Variants in NKAIN2 observed in about 807,000 individuals in gnomAD.
The protein encoded by NKAIN2 is sodium/potassium transporting ATPase interacting 2, also known as sodium/potassium-transporting ATPase subunit beta-1-interacting protein 2.
A neutral mutation model predicts 32.6 loss-of-function variants in NKAIN2; 14 were observed. The ratio of observed to expected loss-of-function variants is 0.43; its 90% CI spans 0.28 to 0.67. The LOEUF is 0.67. Ranked by LOEUF, NKAIN2 falls within the 30% of genes least tolerant of loss-of-function variation. The pLI is 0.17. For synonymous variants in NKAIN2, 80 were observed against 87.2 expected (o/e 0.92, Z 0.46); for missense variants, 198 against 258.3 (o/e 0.77, Z 1.60).
At position 124,117,902 on chromosome 6, in the gene NKAIN2, GA is replaced by G. The variant is rs201260771; in HGVS notation, c.55-165090del. ...TGCAGACATTAAAACAGTTAAAGCA[GA>G]AAAAAAAAAAAAGCTATCAGGAAAG... is the stretch of plus-strand genomic sequence containing the variant. On this transcript the variant is annotated intron_variant, in intron 1 of 6. Transcript: ENST00000368417. 2.9e-3 allele frequency among the ~76,000 whole-genome samples: 382 copies of G among 129,648 alleles called. 1 individual carries two copies. Among genetic ancestry groups the G allele is most frequent in the African/African-American group, 7.1e-3 (243 of 34,246 alleles). 85.1% of individuals were successfully genotyped at this position (129,648 alleles called of 152,430 possible).
intron 1 of NKAIN2, among the ~76,000 whole-genome samples, chr6:123,959,891 G>A (rs1394475048): frequency 3.3e-5 from 5 of 151,094 alleles, no homozygotes; most frequent in South Asian, 2.1e-4. Flanking sequence ...AAGTTCTTCC[G>A]GAGTCAGAGC....
chr6:123,804,683 G>GT (rs920215976), intron 1 of NKAIN2, among the ~76,000 whole-genome samples: 58 of 148,912 alleles, frequency 3.9e-4, no homozygotes, highest in African/African-American at 1.1e-3. Context: ...TCATAGACAT[G>GT]TTTTTTTTCT....
At chr6:124,338,379 CT>C (rs954733039) in intron 2 of NKAIN2, among the ~76,000 whole-genome samples, 1 of 151,758 alleles carries the variant, frequency 6.6e-6, no homozygotes, top group African/African-American at 2.4e-5. Context: ...TGTAGAGCTG[CT>C]ACTTGGTTAT....
chr6:124,663,844 T>C (rs566180549), intron 4 of NKAIN2, among the ~76,000 whole-genome samples: 2 of 152,330 alleles, frequency 1.3e-5, no homozygotes, highest in South Asian at 2.1e-4. Flanking sequence ...AACTGTGGCA[T>C]GCAAAAAGTT....
chr6:124,323,912 C>A (rs562918982), intron 2 of NKAIN2, among the ~76,000 whole-genome samples: 2 of 151,660 alleles, frequency 1.3e-5, no homozygotes, highest in East Asian at 2.0e-4. Flanking sequence ...CTCAGCCTCC[C>A]GAGGAGCTGG....
intron 1 of NKAIN2, among the ~76,000 whole-genome samples, chr6:124,139,458 G>A (rs1207484532): frequency 6.6e-6 from 1 of 152,178 alleles, no homozygotes; most frequent in Non-Finnish European, 1.5e-5. Context: ...GCTGTTAAAA[G>A]TAGGAGCTAT....
intron 3 of NKAIN2, among the ~76,000 whole-genome samples, chr6:124,361,944 A>G (rs187111225): frequency 1.3e-5 from 2 of 152,130 alleles, no homozygotes; most frequent in Non-Finnish European, 1.5e-5. Context: ...AATAAAACCA[A>G]TGCTTGTATC....
chr6:124,197,441 C>T (rs146966349), intron 1 of NKAIN2, among the ~76,000 whole-genome samples: 11 of 152,238 alleles, frequency 7.2e-5, no homozygotes, highest in Non-Finnish European at 1.5e-4. Context: ...ATTATGACTA[C>T]AACTTTCCAA....
intron 4 of NKAIN2, among the ~76,000 whole-genome samples, chr6:124,731,898 A>G (rs1776697862): frequency 6.6e-6 from 1 of 152,106 alleles, no homozygotes; most frequent in African/African-American, 2.4e-5. Flanking sequence ...ACATAACAGT[A>G]TCTATAAAGT....
At chr6:124,457,746 T>C (rs1312189947) in intron 3 of NKAIN2, among the ~76,000 whole-genome samples, 1 of 151,950 alleles carries the variant, frequency 6.6e-6, no homozygotes, top group African/African-American at 2.4e-5. Context: ...CACGTATTCA[T>C]TCAAAGTGTT....
chr6:124,247,281 A>C (rs1053026718), intron 1 of NKAIN2, among the ~76,000 whole-genome samples: 1 of 151,762 alleles, frequency 6.6e-6, no homozygotes, highest in Non-Finnish European at 1.5e-5. Flanking sequence ...AAAGTTCAAA[A>C]CTCTCTGTGT....
chr6:124,446,595 G>T (rs12216152), intron 3 of NKAIN2, among the ~76,000 whole-genome samples: 1 of 151,882 alleles, frequency 6.6e-6, no homozygotes, highest in Admixed American at 6.6e-5. Context: ...CTGCCACCTT[G>T]TCCTCCCAAA....
At chr6:124,558,223 C>T (rs1305496722) in intron 3 of NKAIN2, among the ~76,000 whole-genome samples, 1 of 152,140 alleles carries the variant, frequency 6.6e-6, no homozygotes, top group Non-Finnish European at 1.5e-5. Flanking sequence ...TTTCAGTCTC[C>T]TTCATGATTT....
At chr6:124,637,913 T>C (rs1783833407) in intron 3 of NKAIN2, among the ~76,000 whole-genome samples, 1 of 152,056 alleles carries the variant, frequency 6.6e-6, no homozygotes, top group African/African-American at 2.4e-5. Context: ...ACAATTCTAA[T>C]ACTTGTATGG....
chr6:123,933,126 T>C (rs1027401007), intron 1 of NKAIN2, among the ~76,000 whole-genome samples: 4 of 152,194 alleles, frequency 2.6e-5, no homozygotes, highest in African/African-American at 9.6e-5. Context: ...AATGAAAATA[T>C]GGGACCCCTT....
chr6:124,787,107 C>T (rs1779539089), intron 4 of NKAIN2, among the ~76,000 whole-genome samples: 1 of 152,142 alleles, frequency 6.6e-6, no homozygotes, highest in Admixed American at 6.6e-5. Flanking sequence ...CACCAACCTA[C>T]TCCGAGAATG....
chr6:124,422,982 C>A (rs184165956), intron 3 of NKAIN2, among the ~76,000 whole-genome samples: 1 of 152,062 alleles, frequency 6.6e-6, no homozygotes, highest in Admixed American at 6.5e-5. Context: ...AACTAATTCC[C>A]GAGATAAAAA....
chr6:124,221,432 G>A (rs1302368111), intron 1 of NKAIN2, among the ~76,000 whole-genome samples: 2 of 149,524 alleles, frequency 1.3e-5, no homozygotes, highest in Non-Finnish European at 3.0e-5. Context: ...GGGAGGGATA[G>A]CATTGGGAGA....
intron 3 of NKAIN2, among the ~76,000 whole-genome samples, chr6:124,601,875 T>C (rs1782320380): frequency 6.6e-6 from 1 of 151,994 alleles, no homozygotes; most frequent in South Asian, 2.1e-4. Flanking sequence ...GTGGGCTATA[T>C]AGCAAACTGG....
Sources: allele counts gnomAD v4.1 joint callset (sites outside exome capture counted in the v4.1 genomes callset), GRCh38; gene constraint gnomAD v4.1.1; transcripts MANE v1.5; gene names NCBI Gene and HGNC (gene_info 2026-07-23, HGNC 2026-07-21).